The following EIF2D variants were observed in gnomAD, a reference collection of about 807,000 sequenced individuals.
EIF2D encodes hepatocellular carcinoma-associated antigen 56.
A neutral mutation model predicts 77.4 loss-of-function variants in EIF2D; 56 were observed. The observed-to-expected ratio is 0.72, with a 90% CI of 0.58 to 0.90. The LOEUF (loss-of-function observed/expected upper bound fraction) is 0.90. Among genes scored for constraint, EIF2D ranks in the 40% least tolerant of loss-of-function variants. The pLI is 0.00. For missense variants in EIF2D, 574 were observed against 706.5 expected (o/e 0.81, Z 2.13); for synonymous variants, 230 against 271.0 (o/e 0.85, Z 1.49).
intron 5 of EIF2D, among the ~76,000 whole-genome samples, chr1:206,572,135 T>C (rs1430407729): frequency 6.6e-6 from 1 of 152,130 alleles, no homozygotes; most frequent in African/African-American, 2.4e-5. Context: ...TTTATAAAAT[T>C]CTGGAACCTT....
At chr1:206,598,844 T>TCC (rs1393103975) in intron 11 of EIF2D, among the ~76,000 whole-genome samples, 159 bp downstream of exon 11, 1 of 151,782 alleles carries the variant, frequency 6.6e-6, no homozygotes, top group East Asian at 1.9e-4. Context: ...AGACAATAAC[T>TCC]GAGTGTCCAC....
At position 206,598,996 on chromosome 1, in the gene EIF2D, C is replaced by A. The variant is rs1283892085; in HGVS notation, c.1292+7G>T. 2 of 1,613,964 alleles carry A rather than the reference C, an allele frequency of 1.2e-6. No homozygotes were observed. The highest frequency in any genetic ancestry group is 1.7e-6 in the Non-Finnish European group (2 of 1,179,854). On this transcript the variant is annotated splice_region_variant and intron_variant, in intron 11 of 14. Coordinates refer to ENST00000271764, the MANE Select transcript of EIF2D (RefSeq NM_006893.3). ...TAAGACAGATCTGGTGCTTCTCATG[C>A]ACTCACTTTTTGTTGTCTGCATCAA... is the stretch of plus-strand genomic sequence containing the variant.
rs542554609 is a variant in EIF2D at position 206,595,583 on chromosome 1, A to G, written c.1509+135T>C. ...CATACAGAGCCCAGCCCAGGCACAT[A>G]AACACGGGTGTTTCATAAAAAAATC... On this transcript the variant is annotated intron_variant, in intron 13 of 14. Transcript: ENST00000271764. The G allele has an allele frequency of 1.3e-5, 15 of 1,131,496 alleles. No homozygotes were observed. In the African/African-American group the frequency reaches 2.3e-4, roughly 18 times the overall value. 70.1% of individuals were successfully genotyped at this position (1,131,496 alleles called of 1,614,324 possible).
At chr1:206,578,232 A>AGTGTGTGTGTG (rs1553405555) in intron 4 of EIF2D, among the ~76,000 whole-genome samples, 27 of 130,520 alleles carry the variant, frequency 2.1e-4, no homozygotes, top group African/African-American at 8.0e-4. Flanking sequence ...CAAAAAAAAA[A>AGTGTGTGTGTG]AGTGTGTGTG....
chr1:206,593,161 T>C (rs1669433590), intron 14 of EIF2D, among the ~76,000 whole-genome samples: 1 of 151,686 alleles, frequency 6.6e-6, no homozygotes, highest in African/African-American at 2.4e-5. Context: ...CGTGCCCAGC[T>C]ATATCACTCA....
At chr1:206,581,657 AAAGG>A (rs782796345) in intron 2 of EIF2D, among the ~76,000 whole-genome samples, 27 of 148,978 alleles carry the variant, frequency 1.8e-4, no homozygotes, top group Admixed American at 5.3e-4. Flanking sequence ...GAGAGAAAGA[AAAGG>A]AAGGAAGGAA....
At position 206,584,290 on chromosome 1, in the gene EIF2D, A is replaced by G; in HGVS notation, c.139-3128T>C. 2 of 1,206,376 alleles carry G rather than the reference A, an allele frequency of 1.7e-6. No individual in the cohort carries two copies. The highest frequency in any genetic ancestry group is 2.3e-6 in the Non-Finnish European group (2 of 865,104). The allele number at this position is 1,206,376 out of a possible 1,614,324, so 74.7% of individuals were successfully genotyped here. A position where few individuals can be genotyped will look rare whatever the true frequency, so the allele number is the denominator to read the frequency against. On this transcript the variant is annotated intron_variant and NMD_transcript_variant, in intron 2 of 5. Coordinates refer to the EIF2D transcript ENST00000472709. The surrounding 1 kb of genome is among the most constrained non-coding windows in gnomAD (Gnocchi z 4.9). Reference sequence around the variant, plus strand: ...AGCAGAGGCAGGAAAGAACTCAAGGAGACAGGTGGGTGCTGCTGGGGCAAT... The same window carrying G: ...AGCAGAGGCAGGAAAGAACTCAAGGGGACAGGTGGGTGCTGCTGGGGCAAT...
In EIF2D at chr1:206,608,135, C is replaced by A. The variant is rs891127058; in HGVS notation, c.422+101G>T. On this transcript the variant is annotated intron_variant, in intron 4 of 14. Transcript: ENST00000271764. The stretch of plus-strand genomic sequence containing the variant: ...CTGCTTCTTCCAAAACCGATTTTTG[C>A]TTTCACTCTTTTGTTCATATGCTTT... 5.2e-6 allele frequency: 6 copies of A among 1,147,050 alleles called. No homozygotes were observed. The African/African-American group carries it at 9.6e-5, about 18-fold the overall frequency. 71.1% of individuals were successfully genotyped at this position (1,147,050 alleles called of 1,614,324 possible). A position where few individuals can be genotyped will look rare whatever the true frequency, so the allele number is the denominator to read the frequency against.
chr1:206,601,190 G>A (rs1369859675), intron 7 of EIF2D: 3 of 152,142 alleles, frequency 2.0e-5, no homozygotes, highest in Non-Finnish European at 4.4e-5. Flanking sequence ...ATTTGTACAG[G>A]ATAGCTTAAA....
In EIF2D at chr1:206,603,086, G is replaced by C. The variant is rs1670008908; in HGVS notation, c.649C>G (p.His217Asp). ...MDSTLQGDMR[H>D]MTLEGEEENG... ...TCCTCTTCCCCCTCCAGGGTCATGTGCCTCATGTCTCCCTGCAGGGTGGAG... is the reference window on the plus strand; with the variant it reads ...TCCTCTTCCCCCTCCAGGGTCATGTCCCTCATGTCTCCCTGCAGGGTGGAG... Residue 217 changes from histidine (H) to aspartate (D), a missense_variant, in exon 6 of 15, where the codon CAC becomes GAC. By Grantham distance (81) the His-to-Asp change is moderately conservative. Coordinates refer to ENST00000271764, the MANE Select transcript of EIF2D (RefSeq NM_006893.3). 1 of 1,614,050 alleles carries C rather than the reference G, an allele frequency of 6.2e-7. No homozygotes were observed. The highest frequency in any genetic ancestry group is 1.7e-5 in the Admixed American group (1 of 59,996).
downstream of EIF2D, among the ~76,000 whole-genome samples, chr1:206,570,978 G>C (rs574801650): frequency 6.6e-6 from 1 of 152,236 alleles, no homozygotes; most frequent in African/African-American, 2.4e-5. Context: ...GGATCACATG[G>C]TAATTCTGTT....
intron 2 of EIF2D, among the ~76,000 whole-genome samples, chr1:206,610,569 C>G (rs1170413990): frequency 6.6e-6 from 1 of 152,036 alleles, no homozygotes; most frequent in East Asian, 1.9e-4. Context: ...GTCTGTAATT[C>G]CAGCACTTTG....
At chr1:206,612,049 T>C (rs78044000) in intron 1 of EIF2D, among the ~76,000 whole-genome samples, 1 of 152,098 alleles carries the variant, frequency 6.6e-6, no homozygotes, top group Non-Finnish European at 1.5e-5. Context: ...GTCAGTAAAC[T>C]CTGACTTAAC....
chr1:206,599,406 G>A lies in EIF2D; in HGVS notation c.1202+57C>T. On this transcript the variant is annotated intron_variant, in intron 10 of 14. Transcript: ENST00000271764. The surrounding 1 kb of genome is among the most constrained non-coding windows in gnomAD (Gnocchi z 4.1). Reference sequence around the variant, plus strand: ...CAAAAGAGCACTACTCAGGTTGAGAGGAACTGTAGGCCAGAACACCAAGCA... The same window carrying A: ...CAAAAGAGCACTACTCAGGTTGAGAAGAACTGTAGGCCAGAACACCAAGCA... The A allele has an allele frequency of 1.3e-6, 2 of 1,596,766 alleles. No homozygotes were observed. Among genetic ancestry groups the A allele is most frequent in the Non-Finnish European group, 1.7e-6 (2 of 1,172,568 alleles).
chr1:206,603,968 G>A lies in EIF2D; in HGVS notation c.531-764C>T, dbSNP rs1009878992. ...ATAAATATTTTTTTCAAGGTGCAGC[G>A]AGAGAACCAAAGCAGCTGCTGCTAA... On this transcript the variant is annotated intron_variant, in intron 5 of 14. Coordinates refer to ENST00000271764, the MANE Select transcript of EIF2D (RefSeq NM_006893.3). Among the ~76,000 whole-genome samples, 8 of 152,268 alleles carry A rather than the reference G, an allele frequency of 5.3e-5. No homozygotes were observed. The East Asian group carries it at 1.2e-3, about 22-fold the overall frequency.
downstream of EIF2D, among the ~76,000 whole-genome samples, chr1:206,590,833 GT>G (rs1292638147): frequency 6.6e-6 from 1 of 152,174 alleles, no homozygotes; most frequent in Non-Finnish European, 1.5e-5. Flanking sequence ...TCTCTTAATG[GT>G]AAAACCCAAA....
At position 206,598,794 on chromosome 1, in the gene EIF2D, G is replaced by T. The variant is rs146373871; in HGVS notation, c.1292+209C>A. Among the ~76,000 whole-genome samples, 1,051 of 152,102 alleles carry T rather than the reference G, an allele frequency of 6.9e-3. 10 individuals are homozygous for T. The highest frequency in any genetic ancestry group is 0.024 in the African/African-American group (1,003 of 41,470). ...TTTGTGAGAGAATATTTACTTAGTC[G>T]GTAGTCAATGTTGATCGTATACATG... On this transcript the variant is annotated intron_variant, in intron 11 of 14. Transcript: ENST00000271764.
intron 2 of EIF2D, chr1:206,585,102 T>G: frequency 9.3e-7 from 1 of 1,077,896 alleles, no homozygotes; most frequent in Non-Finnish European, 1.4e-6. Flanking sequence ...ACCTCTGCAT[T>G]TCCAATCCTT....
rs1186584861 is a variant in EIF2D at position 206,611,321 on chromosome 1, T to C, written c.110A>G (p.Gln37Arg). ...TTAFPTLGTDQVSELVPGKEE... is the reference protein window; with the variant it reads ...TTAFPTLGTDRVSELVPGKEE... ...CTTTCCAGGTACTAACTCAGAGACT[T>C]GATCAGTTCCAAGGGTGGGGAAAGC... Residue 37 changes from glutamine (Q) to arginine (R), a missense_variant, in exon 2 of 15, where the codon CAA becomes CGA. Transcript: ENST00000271764. 6.2e-7 allele frequency: 1 copy of C among 1,614,216 alleles called. No individual in the cohort carries two copies. The highest frequency in any genetic ancestry group is 1.3e-5 in the African/African-American group (1 of 75,048).
Sources: allele counts gnomAD v4.1 joint callset (sites outside exome capture counted in the v4.1 genomes callset), GRCh38; gene constraint gnomAD v4.1.1; non-coding constraint Gnocchi (gnomAD v3.1); transcripts MANE v1.5; gene names NCBI Gene and HGNC (gene_info 2026-07-23, HGNC 2026-07-21).